The following IRAK2 variants were observed in gnomAD, a reference collection of about 807,000 sequenced individuals.
IRAK2 encodes interleukin-1 receptor-associated kinase-like 2.
IRAK2 carries 57 observed loss-of-function variants against 72.0 expected under a neutral mutation model. That is an observed-to-expected ratio of 0.79 (90% CI 0.64 to 0.99). The LOEUF is 0.99. Among genes scored for constraint, IRAK2 ranks in the 50% least tolerant of loss-of-function variants. The pLI is 0.00. For synonymous variants in IRAK2, 293 were observed against 312.7 expected (o/e 0.94, Z 0.67); for missense variants, 790 against 794.4 (o/e 0.99, Z 0.07).
intron 2 of IRAK2, among the ~76,000 whole-genome samples, chr3:10,197,378 C>T (rs959399371): frequency 2.0e-5 from 3 of 147,926 alleles, no homozygotes; most frequent in Admixed American, 1.3e-4. Context: ...GAGTAAGACT[C>T]TGTCTCAAAA....
At chr3:10,192,570 T>G (rs57583213) in intron 2 of IRAK2, among the ~76,000 whole-genome samples, 2,776 of 152,230 alleles carry the variant, frequency 0.018, 74 homozygotes, top group African/African-American at 0.065. Context: ...TTGGTAGCAA[T>G]TATCCCCCAG....
At chr3:10,196,575 G>A (rs1697268929) in intron 2 of IRAK2, among the ~76,000 whole-genome samples, 1 of 152,210 alleles carries the variant, frequency 6.6e-6, no homozygotes, top group South Asian at 2.1e-4. Flanking sequence ...TGGCAATCAG[G>A]ATGGGGGGGT....
chr3:10,217,002 A>AC lies in IRAK2; in HGVS notation c.861dup (p.Tyr288LeufsTer53), dbSNP rs923785062. ...GCAAGACAGTTTCACAGCTTCATCT[A>AC]CCCCTACATGGCAAATGGTTCCCTA... On this transcript the variant is annotated frameshift_variant, in exon 7 of 13. Transcript: ENST00000256458. LOFTEE classifies it high-confidence loss of function. The AC allele has an allele frequency of 6.2e-7, 1 of 1,613,922 alleles. No individual in the cohort carries two copies. The highest frequency in any genetic ancestry group is 8.5e-7 in the Non-Finnish European group (1 of 1,179,976).
chr3:10,213,164 G>A (rs370743075), intron 4 of IRAK2, 43 bp from the exon 5 acceptor site: 34 of 1,551,672 alleles, frequency 2.2e-5, no homozygotes, highest in African/African-American at 1.5e-4. Context: ...CAGAGAAAAC[G>A]AGATTCCATA....
intron 2 of IRAK2, among the ~76,000 whole-genome samples, chr3:10,199,428 ATGT>A (rs1697319826): frequency 6.6e-6 from 1 of 152,108 alleles, no homozygotes; most frequent in Non-Finnish European, 1.5e-5. Flanking sequence ...AGAAGCAGAG[ATGT>A]TGTGAGGATT....
intron 6 of IRAK2, among the ~76,000 whole-genome samples, chr3:10,214,778 C>T (rs570691842): frequency 6.6e-6 from 1 of 151,528 alleles, no homozygotes; most frequent in Admixed American, 6.6e-5. Context: ...GACCCTGTCT[C>T]AACTGAAAAA....
chr3:10,219,485 A>AT (rs1697654851), intron 7 of IRAK2, among the ~76,000 whole-genome samples, 195 bp from the exon 8 acceptor site: 2 of 151,880 alleles, frequency 1.3e-5, no homozygotes, highest in African/African-American at 2.4e-5. Context: ...GGACCGGCTA[A>AT]TTTTTTGTAT....
At chr3:10,173,358 C>T (rs1696825847) in intron 1 of IRAK2, among the ~76,000 whole-genome samples, 1 of 152,154 alleles carries the variant, frequency 6.6e-6, no homozygotes. Context: ...TGGTGGTGTC[C>T]TTGGAGTCCT....
chr3:10,165,534 T>C lies in IRAK2; in HGVS notation c.94+486T>C, dbSNP rs190945456. Among the ~76,000 whole-genome samples the C allele has an allele frequency of 2.5e-3, 379 of 152,122 alleles. 2 individuals carry two copies. Among genetic ancestry groups the C allele is most frequent in the African/African-American group, 8.8e-3 (364 of 41,496 alleles). Reference sequence around the variant, plus strand: ...TATTGAAACGGAGTTTCGCTGTTGTTGCCCAGGCTGGAGTGCAATGGCACG... The same window carrying C: ...TATTGAAACGGAGTTTCGCTGTTGTCGCCCAGGCTGGAGTGCAATGGCACG... On this transcript the variant is annotated intron_variant, in intron 1 of 12. Coordinates refer to ENST00000256458, the MANE Select transcript of IRAK2 (RefSeq NM_001570.4).
At chr3:10,186,847 A>G (rs1186903716) in intron 2 of IRAK2, among the ~76,000 whole-genome samples, 1 of 143,314 alleles carries the variant, frequency 7.0e-6, no homozygotes, top group Non-Finnish European at 1.5e-5. Flanking sequence ...GCTGGAATGC[A>G]GTGGGGCAGT....
At chr3:10,228,953 G>A (rs1340045456) in intron 10 of IRAK2, among the ~76,000 whole-genome samples, 1 of 150,212 alleles carries the variant, frequency 6.7e-6, no homozygotes, top group Non-Finnish European at 1.5e-5. Context: ...TTTTTTTCGA[G>A]ACAGAGTCTC....
chr3:10,175,618 G>A lies in IRAK2; in HGVS notation c.95-2220G>A, dbSNP rs1385672339. 4.6e-5 allele frequency among the ~76,000 whole-genome samples: 7 copies of A among 151,990 alleles called. No homozygotes were observed. The South Asian group carries it at 6.2e-4, about 14-fold the overall frequency. On this transcript the variant is annotated intron_variant, in intron 1 of 12. Transcript: ENST00000256458. ...AAAAGGTACAAAATCAGCTGGGCAC[G>A]GTGGCTCACGCCTGTAATCCCAGTA...
In IRAK2 at chr3:10,239,046, C is replaced by G; in HGVS notation, c.1765+7C>G. On this transcript the variant is annotated splice_region_variant and intron_variant, in intron 12 of 12. Transcript: ENST00000256458. ...CTGGAGCCTCCCCAGGATGGTAAGC[C>G]GGAAGTCAGAGTGCATTTGGATGCT... 3.2e-6 allele frequency: 5 copies of G among 1,576,062 alleles called. No individual in the cohort carries two copies. Among genetic ancestry groups the G allele is most frequent in the Non-Finnish European group, 4.3e-6 (5 of 1,162,366 alleles).
chr3:10,186,691 C>CT (rs1697079273), intron 2 of IRAK2, among the ~76,000 whole-genome samples: 1 of 151,404 alleles, frequency 6.6e-6, no homozygotes. Context: ...GTCTTCCCTG[C>CT]TGCTGAGGCA....
intron 3 of IRAK2, among the ~76,000 whole-genome samples, chr3:10,201,258 A>G (rs1415284684): frequency 6.6e-6 from 1 of 152,220 alleles, no homozygotes; most frequent in Non-Finnish European, 1.5e-5. Context: ...GAGGTTAACC[A>G]ACCTGGCTGA....
At chr3:10,166,465 C>T (rs1696690622) in intron 1 of IRAK2, among the ~76,000 whole-genome samples, 1 of 152,092 alleles carries the variant, frequency 6.6e-6, no homozygotes, top group Admixed American at 6.6e-5. Flanking sequence ...ATTCCAGGCT[C>T]TTGCTGTATG....
intron 11 of IRAK2, among the ~76,000 whole-genome samples, chr3:10,238,461 G>T (rs939881751): frequency 3.9e-5 from 6 of 152,168 alleles, no homozygotes; most frequent in African/African-American, 1.4e-4. Flanking sequence ...GAAGGATTCT[G>T]ATTGGCCAGC....
rs370082817 is a variant in IRAK2, at chr3:10,186,068, T to TCAACAA, written c.277+8067_277+8072dup. On this transcript the variant is annotated intron_variant, in intron 2 of 12. Transcript: ENST00000256458. ...CTGGGTGACAGAGCAAGACTCCGTC[T>TCAACAA]CAACAACAACAACAACAACAACAAA... Among the ~76,000 whole-genome samples, 54 of 151,094 alleles carry TCAACAA rather than the reference T, an allele frequency of 3.6e-4. No individual in the cohort carries two copies. In the East Asian group the frequency reaches 6.2e-3, roughly 17 times the overall value.
At chr3:10,201,844 G>A (rs1270209616) in intron 3 of IRAK2, among the ~76,000 whole-genome samples, 1 of 152,312 alleles carries the variant, frequency 6.6e-6, no homozygotes, top group African/African-American at 2.4e-5. Flanking sequence ...GAAGCCAGGG[G>A]CGGCATCAGC....
Sources: allele counts gnomAD v4.1 joint callset (sites outside exome capture counted in the v4.1 genomes callset), GRCh38; gene constraint gnomAD v4.1.1; transcripts MANE v1.5; gene names NCBI Gene and HGNC (gene_info 2026-07-23, HGNC 2026-07-21).